The following ROBO1 variants were observed in gnomAD, a reference collection of about 807,000 sequenced individuals.
ROBO1 encodes roundabout guidance receptor 1, also known as roundabout homolog 1.
A neutral mutation model predicts 195.9 loss-of-function variants in ROBO1; 149 were observed. That is an observed-to-expected ratio of 0.76 (90% CI 0.67 to 0.87). The LOEUF (loss-of-function observed/expected upper bound fraction) is 0.87, where lower values mean the gene tolerates loss of function less well. Among genes scored for constraint, ROBO1 ranks in the 40% least tolerant of loss-of-function variants. ROBO1 has a pLI of 0.00. For missense variants in ROBO1, 1,933 were observed against 2,068.3 expected (o/e 0.93, Z 1.27); for synonymous variants, 816 against 733.2 (o/e 1.11, Z -1.82).
chr3:78,651,930 C>A lies in ROBO1; in HGVS notation c.2615-1G>T. 6.2e-7 allele frequency: 1 copy of A among 1,611,402 alleles called. No individual in the cohort carries two copies. The highest frequency in any genetic ancestry group is 8.5e-7 in the Non-Finnish European group (1 of 1,178,678). ...GGTGACACAGGGTTTCCATGGGCATCTGAAAAGTCATCTTCCGATTAATTT... is the reference window on the plus strand; with the variant it reads ...GGTGACACAGGGTTTCCATGGGCATATGAAAAGTCATCTTCCGATTAATTT... On this transcript the variant is annotated splice_acceptor_variant, in intron 18 of 30. Transcript: ENST00000464233. LOFTEE classifies it high-confidence loss of function.
intron 2 of ROBO1, among the ~76,000 whole-genome samples, chr3:79,487,438 A>T (rs114046644): frequency 1.3e-5 from 2 of 152,080 alleles, no homozygotes; most frequent in Non-Finnish European, 2.9e-5. Flanking sequence ...GCTGGTCTTC[A>T]ACTCCTGACC....
chr3:79,053,720 G>A (rs2078749454), intron 3 of ROBO1, among the ~76,000 whole-genome samples: 2 of 150,968 alleles, frequency 1.3e-5, no homozygotes, highest in African/African-American at 4.9e-5. Flanking sequence ...CTCACCCTCA[G>A]TTTGCCTTAT....
intron 1 of ROBO1, among the ~76,000 whole-genome samples, chr3:79,645,893 C>G (rs1326560959): frequency 6.6e-6 from 1 of 152,090 alleles, no homozygotes; most frequent in East Asian, 1.9e-4. Flanking sequence ...AAGAATAAAA[C>G]TAGATCCCTA....
At chr3:78,723,676 G>A (rs1188395227) in intron 5 of ROBO1, among the ~76,000 whole-genome samples, 1 of 152,040 alleles carries the variant, frequency 6.6e-6, no homozygotes, top group Non-Finnish European at 1.5e-5. Context: ...TGAAGGGTGT[G>A]TGGGGGGCGA....
chr3:78,612,288 C>A (rs901864318), intron 28 of ROBO1, among the ~76,000 whole-genome samples: 1 of 152,100 alleles, frequency 6.6e-6, no homozygotes, highest in Non-Finnish European at 1.5e-5. Context: ...AAAAAAACCC[C>A]ACAAAATCCT....
intron 4 of ROBO1, among the ~76,000 whole-genome samples, chr3:78,821,308 G>T (rs1194605454): frequency 6.6e-6 from 1 of 151,796 alleles, no homozygotes; most frequent in Admixed American, 6.6e-5. Context: ...TGGGATTACA[G>T]GTGTGTACCA....
At chr3:78,832,569 G>A (rs1277166042) in intron 4 of ROBO1, among the ~76,000 whole-genome samples, 1 of 152,172 alleles carries the variant, frequency 6.6e-6, no homozygotes, top group African/African-American at 2.4e-5. Flanking sequence ...TGAATTAAGT[G>A]CTAACTTTGT....
chr3:79,687,119 T>G (rs892870501), intron 1 of ROBO1, among the ~76,000 whole-genome samples: 29 of 151,980 alleles, frequency 1.9e-4, no homozygotes, highest in African/African-American at 5.8e-4. Context: ...AATGGGGAAA[T>G]GATTCTCTAT....
rs116596956 is a variant in ROBO1, at chr3:79,610,198, C to T, written c.-50-20237G>A. On this transcript the variant is annotated intron_variant, in intron 1 of 30. Transcript: ENST00000464233. ...TACATTCCAGGATCCCCAGTGGATG[C>T]GCAAAACCATGGATAGTACTGAACC... 5.5e-3 allele frequency among the ~76,000 whole-genome samples: 833 copies of T among 151,920 alleles called. 6 individuals carry two copies. The highest frequency in any genetic ancestry group is 0.011 in the Admixed American group (172 of 15,200).
At chr3:79,488,800 A>C (rs910407120) in intron 2 of ROBO1, among the ~76,000 whole-genome samples, 1 of 152,158 alleles carries the variant, frequency 6.6e-6, no homozygotes, top group African/African-American at 2.4e-5. Context: ...CTTTGGACAA[A>C]ATGTATTTCT....
chr3:79,201,432 T>G (rs1350306438), intron 2 of ROBO1, among the ~76,000 whole-genome samples: 1 of 152,028 alleles, frequency 6.6e-6, no homozygotes, highest in African/African-American at 2.4e-5. Flanking sequence ...AAATATGTTA[T>G]GTGTATTAGC....
At chr3:78,852,150 T>C (rs1349850092) in intron 4 of ROBO1, among the ~76,000 whole-genome samples, 1 of 152,134 alleles carries the variant, frequency 6.6e-6, no homozygotes, top group Non-Finnish European at 1.5e-5. Flanking sequence ...TCATTTTTAA[T>C]GGTTTCTATC....
chr3:79,128,825 A>G (rs558962832), intron 2 of ROBO1, among the ~76,000 whole-genome samples: 8 of 152,128 alleles, frequency 5.3e-5, no homozygotes, highest in African/African-American at 1.9e-4. Flanking sequence ...TGTTTTAAAA[A>G]ATCTTTTTTC....
intron 29 of ROBO1, among the ~76,000 whole-genome samples, chr3:78,605,255 A>G (rs369207518): frequency 6.6e-6 from 1 of 152,274 alleles, no homozygotes; most frequent in African/African-American, 2.4e-5. Context: ...TATCTTGATT[A>G]TTAAATCTCT....
rs1023327593 is a variant in ROBO1 at position 79,491,370 on chromosome 3, G to A, written c.88+98454C>T. Among the ~76,000 whole-genome samples, 4 of 152,140 alleles carry A rather than the reference G, an allele frequency of 2.6e-5. No homozygotes were observed. The East Asian group carries it at 7.7e-4, about 29-fold the overall frequency. ...GCTGGGTTCTCTTGAGCTCAGCTGA[G>A]CTGCTGACAGTCGGGTTGTAAGAGT... On this transcript the variant is annotated intron_variant, in intron 2 of 30. Coordinates refer to ENST00000464233, the MANE Select transcript of ROBO1 (RefSeq NM_002941.4).
intron 3 of ROBO1, among the ~76,000 whole-genome samples, chr3:78,965,866 C>A (rs2076630968): frequency 6.6e-6 from 1 of 152,188 alleles, no homozygotes; most frequent in Non-Finnish European, 1.5e-5. Flanking sequence ...ATTATGTGCT[C>A]TTTCTGAAAC....
chr3:79,160,108 C>T (rs1025745003), intron 2 of ROBO1, among the ~76,000 whole-genome samples: 3 of 151,814 alleles, frequency 2.0e-5, no homozygotes, highest in African/African-American at 7.3e-5. Context: ...AGTTTAAGGC[C>T]ATTTTTACTT....
chr3:79,730,039 C>T (rs1286654056), intron 1 of ROBO1, among the ~76,000 whole-genome samples: 1 of 152,142 alleles, frequency 6.6e-6, no homozygotes, highest in African/African-American at 2.4e-5. Context: ...AACAAGCATT[C>T]ACCTGTGTAT....
chr3:79,119,327 C>T (rs540298215), intron 3 of ROBO1, among the ~76,000 whole-genome samples: 11 of 152,128 alleles, frequency 7.2e-5, no homozygotes, highest in East Asian at 1.9e-4. Flanking sequence ...GATAGAATTA[C>T]GCATGTCTAC....
Sources: gnomAD v4.1 joint callset for allele counts (sites outside exome capture counted in the v4.1 genomes callset) on GRCh38, gnomAD v4.1.1 for gene constraint, MANE v1.5 for transcripts, NCBI Gene and HGNC (gene_info 2026-07-23, HGNC 2026-07-21) for gene names.